Variants in MCF2L2 observed in about 807,000 individuals in gnomAD.
MCF2L2 encodes the protein probable guanine nucleotide exchange factor MCF2L2.
Under a neutral mutation model 150.2 loss-of-function variants are expected in MCF2L2, and 102 were observed. That is an observed-to-expected ratio of 0.68 (90% CI 0.58 to 0.80). The LOEUF (loss-of-function observed/expected upper bound fraction) is 0.80. Among genes scored for constraint, MCF2L2 ranks in the 30% least tolerant of loss-of-function variants. The probability of loss-of-function intolerance (pLI) is 0.00; values close to 1 mark genes in which losing one functional copy is unlikely to be tolerated. For missense variants in MCF2L2, 1,256 were observed against 1,372.8 expected (o/e 0.91, Z 1.34); for synonymous variants, 465 against 491.3 (o/e 0.95, Z 0.71).
intron 1 of MCF2L2, among the ~76,000 whole-genome samples, chr3:183,419,250 C>T (rs376893750): frequency 1.3e-5 from 2 of 152,192 alleles, no homozygotes; most frequent in Non-Finnish European, 2.9e-5. Flanking sequence ...GAGCAGTGGA[C>T]CCCTGGGCCC....
At chr3:183,402,451 C>CAAAAAAAAAAAAAAAAAAAAAAAAAAA (rs779201489) in intron 1 of MCF2L2, among the ~76,000 whole-genome samples, 2 of 54,762 alleles carry the variant, frequency 3.7e-5, no homozygotes, top group Non-Finnish European at 8.6e-5. Flanking sequence ...GAGACTCCAT[C>CAAAAAAAAAAAAAAAAAAAAAAAAAAA]AAAAAAAAAA....
intron 10 of MCF2L2, among the ~76,000 whole-genome samples, chr3:183,300,584 T>A (rs1259677489): frequency 1.3e-5 from 2 of 152,034 alleles, no homozygotes; most frequent in Admixed American, 1.3e-4. Flanking sequence ...AATAAGAGAT[T>A]TTGAATACCC....
intron 1 of MCF2L2, among the ~76,000 whole-genome samples, chr3:183,422,930 G>A (rs1354073513): frequency 6.6e-6 from 1 of 152,088 alleles, no homozygotes; most frequent in East Asian, 1.9e-4. Flanking sequence ...CTCCACAACT[G>A]TTTCTTTTTA....
intron 15 of MCF2L2, among the ~76,000 whole-genome samples, chr3:183,241,419 G>A (rs1031953666): frequency 2.6e-5 from 4 of 152,184 alleles, no homozygotes; most frequent in Non-Finnish European, 5.9e-5. Flanking sequence ...TCATGGGAGG[G>A]ACCCAGTGGA....
In MCF2L2 at chr3:183,318,188, C is replaced by G; in HGVS notation, c.633G>C (p.Lys211Asn). Reference protein sequence around the residue: ...TAIENFALTLKTTAQMLQTFG... With the variant: ...TAIENFALTLNTTAQMLQTFG... ...ACGTCTGCAGCATCTGGGCAGTGGT[C>G]TTCAAGGTCAAGGCAAAGTTTTCGA... Residue 211 changes from lysine to asparagine, a missense_variant, in exon 7 of 30, where the codon AAG becomes AAC. Coordinates refer to ENST00000328913, the MANE Select transcript of MCF2L2 (RefSeq NM_015078.4). The G allele has an allele frequency of 6.2e-7, 1 of 1,614,192 alleles. No homozygotes were observed. Among genetic ancestry groups the G allele is most frequent in the Non-Finnish European group, 8.5e-7 (1 of 1,180,022 alleles).
Position 183,277,583 on chromosome 3 carries a change from C to G in MCF2L2, c.1777-626G>C, listed in dbSNP as rs537352017. ...CTTTCACAGATGCGTGATAACAAGT[C>G]TAACTAAAGAAGTACCTGGGATACT... On this transcript the variant is annotated intron_variant, in intron 14 of 29. Transcript: ENST00000328913. 2.6e-5 allele frequency among the ~76,000 whole-genome samples: 4 copies of G among 151,780 alleles called. No individual in the cohort carries two copies. The East Asian group carries it at 7.8e-4, about 30-fold the overall frequency.
chr3:183,221,679 G>C (rs747913077), intron 20 of MCF2L2, among the ~76,000 whole-genome samples: 6 of 152,150 alleles, frequency 3.9e-5, no homozygotes, highest in Non-Finnish European at 8.8e-5. Context: ...AGTGACAATG[G>C]GACATGCAGA....
At position 183,179,779 on chromosome 3, in the gene MCF2L2, C is replaced by T; in HGVS notation, c.3106-87G>A. 1 of 1,201,276 alleles carries T rather than the reference C, an allele frequency of 8.3e-7. No homozygotes were observed. The allele number at this position is 1,201,276 out of a possible 1,614,324, so 74.4% of individuals were successfully genotyped here. The stretch of plus-strand genomic sequence containing the variant: ...CAAGGTGGTGACTCCCGCTGGCAGG[C>T]TGAGGCCCACCCCAGCCCTCCCACC... On this transcript the variant is annotated intron_variant, in intron 28 of 29. Coordinates refer to ENST00000328913, the MANE Select transcript of MCF2L2 (RefSeq NM_015078.4). The surrounding 1 kb of genome is among the most constrained non-coding windows in gnomAD (Gnocchi z 4.2).
intron 22 of MCF2L2, among the ~76,000 whole-genome samples, chr3:183,208,834 T>C (rs1722587004): frequency 6.6e-6 from 1 of 152,240 alleles, no homozygotes; most frequent in South Asian, 2.1e-4. Flanking sequence ...TGTTTATATG[T>C]TGGGCAAACT....
chr3:183,296,880 C>G (rs1728534568), intron 12 of MCF2L2, 96 bp downstream of exon 12: 13 of 1,341,038 alleles, frequency 9.7e-6, no homozygotes, highest in Middle Eastern at 2.1e-4. Context: ...TCAGCCTGCT[C>G]AGTACCCTGT....
In MCF2L2 at chr3:183,270,234, C is replaced by T; in HGVS notation, c.1862+6638G>A. On this transcript the variant is annotated intron_variant, in intron 15 of 29. Transcript: ENST00000328913. The surrounding 1 kb of genome is among the most constrained non-coding windows in gnomAD (Gnocchi z 4.5). ...GGAGGGAGAAGAACTACAAAGAAAACTGGCTTGGGAAGATCAAAGGTACAA... is the reference window on the plus strand; with the variant it reads ...GGAGGGAGAAGAACTACAAAGAAAATTGGCTTGGGAAGATCAAAGGTACAA... 6.2e-7 allele frequency: 1 copy of T among 1,614,164 alleles called. No homozygotes were observed. The highest frequency in any genetic ancestry group is 2.2e-5 in the East Asian group (1 of 44,890).
At chr3:183,347,126 A>G (rs972754401) in intron 3 of MCF2L2, among the ~76,000 whole-genome samples, 3 of 152,094 alleles carry the variant, frequency 2.0e-5, no homozygotes, top group Admixed American at 2.0e-4. Context: ...AACAAAGCTG[A>G]AGGCATCATG....
At chr3:183,413,210 A>G (rs1415955885) in intron 1 of MCF2L2, among the ~76,000 whole-genome samples, 1 of 152,158 alleles carries the variant, frequency 6.6e-6, no homozygotes, top group Non-Finnish European at 1.5e-5. Flanking sequence ...GGTTGAAAAT[A>G]CCTGTATAAC....
intron 15 of MCF2L2, among the ~76,000 whole-genome samples, chr3:183,245,770 A>G (rs1724223513): frequency 6.6e-6 from 1 of 152,232 alleles, no homozygotes; most frequent in Non-Finnish European, 1.5e-5. Flanking sequence ...CGAGGATCAT[A>G]TTGAAACCAA....
chr3:183,216,224 C>T (rs1055711805), intron 21 of MCF2L2, 130 bp from the exon 22 acceptor site: 1 of 971,938 alleles, frequency 1.0e-6, no homozygotes, highest in Admixed American at 2.4e-5. Flanking sequence ...ATTGATCTGT[C>T]TCCCTGCTCC....
intron 2 of MCF2L2, 39 bp downstream of exon 2, chr3:183,389,657 C>A (rs967402084): frequency 2.6e-6 from 4 of 1,540,684 alleles, no homozygotes; most frequent in Non-Finnish European, 2.7e-6. Context: ...CAAGACCCCC[C>A]CATCAAAATC....
At chr3:183,298,897 C>G (rs1728696835) in intron 11 of MCF2L2, 1 of 152,184 alleles carries the variant, frequency 6.6e-6, no homozygotes, top group African/African-American at 2.4e-5. Context: ...CCCTTCGGAG[C>G]TACTTGCTTC....
rs368389334 is a variant in MCF2L2, at chr3:183,206,199, T to C, written c.2728A>G (p.Ile910Val). Reference protein sequence around the residue: ...KKTMKLMTLSIRQLGRGSHRK... With the variant: ...KKTMKLMTLSVRQLGRGSHRK... ...TGGCTCCCCCTTCCAAGCTGGCGAA[T>C]TGAAAGTGTCATCAGCTATTATAAA... The change falls in exon 24 of 30, where the codon ATT becomes GTT. Residue 910 changes from isoleucine to valine, a missense_variant. Physicochemically the swap from Ile to Val is conservative, Grantham distance 29. Transcript: ENST00000328913. 8.1e-6 allele frequency: 13 copies of C among 1,613,786 alleles called. No individual in the cohort carries two copies. The highest frequency in any genetic ancestry group is 1.7e-6 in the Non-Finnish European group (2 of 1,179,742).
At chr3:183,184,827 G>A (rs968515997) in intron 27 of MCF2L2, among the ~76,000 whole-genome samples, 6 of 152,108 alleles carry the variant, frequency 3.9e-5, no homozygotes, top group Admixed American at 6.5e-5. Flanking sequence ...CTGGTTCAGC[G>A]GTAGCTCTCA....
Sources: gnomAD v4.1 joint callset for allele counts (sites outside exome capture counted in the v4.1 genomes callset) on GRCh38, gnomAD v4.1.1 for gene constraint, Gnocchi (gnomAD v3.1) non-coding constraint, MANE v1.5 for transcripts, NCBI Gene and HGNC (gene_info 2026-07-23, HGNC 2026-07-21) for gene names.